Variants in ZDHHC1 observed in about 807,000 individuals in gnomAD.
ZDHHC1 encodes palmitoyltransferase ZDHHC1.
In ZDHHC1, 45 loss-of-function variants were observed where a neutral mutation model predicts 46.9. The observed-to-expected ratio is 0.96, with a 90% CI of 0.76 to 1.23. ZDHHC1 has a LOEUF of 1.23. Ranked by LOEUF, ZDHHC1 falls within the 50% of genes most tolerant of loss-of-function variation. ZDHHC1 has a pLI of 0.00. For missense variants in ZDHHC1, 649 were observed against 670.8 expected, an observed-to-expected ratio of 0.97 and a Z score of 0.36; for synonymous variants, 291 against 286.0, an observed-to-expected ratio of 1.02 and a Z score of -0.18.
At chr16:67,395,093 C>G (rs1472248049) in intron 10 of ZDHHC1, 31 bp from the exon 11 acceptor site, 3 of 1,613,280 alleles carry the variant, frequency 1.9e-6, no homozygotes, top group African/African-American at 1.3e-5. Context: ...CTGAGGGCCC[C>G]ACATCGCCAA....
Position 67,394,982 on chromosome 16 carries a change from G to A in ZDHHC1, c.1165+20C>T. 1 of 1,601,416 alleles carries A rather than the reference G, an allele frequency of 6.2e-7. No homozygotes were observed. ...CCCTCGAGTTCCCAGAGCAGGACCC[G>A]GACAGGGAGAGGCGCTCACCCGACG... is the stretch of plus-strand genomic sequence containing the variant. On this transcript the variant is annotated intron_variant, in intron 11 of 11. Transcript: ENST00000565726.
Position 67,398,801 on chromosome 16 carries a change from G to T in ZDHHC1, c.655+19C>A. ...TGACCAGGGTTGGGGGTGAGAATAGGCCCGGAGCCTAAACTGACCTTCAAA... is the reference window on the plus strand; with the variant it reads ...TGACCAGGGTTGGGGGTGAGAATAGTCCCGGAGCCTAAACTGACCTTCAAA... On this transcript the variant is annotated intron_variant, in intron 6 of 11. Transcript: ENST00000565726. 1.2e-6 allele frequency: 2 copies of T among 1,612,522 alleles called. No individual in the cohort carries two copies. The highest frequency in any genetic ancestry group is 1.7e-6 in the Non-Finnish European group (2 of 1,179,452).
In ZDHHC1 at chr16:67,406,565, A is replaced by C; in HGVS notation, c.10-123T>G. On this transcript the variant is annotated intron_variant, in intron 2 of 11. Transcript: ENST00000565726. This position sits in a 1 kb window ranked among gnomAD's most constrained non-coding sequence, Gnocchi z 4.1. ...GGCTGCGACAGCTACTCTGCTGGGG[A>C]AACTGGGGTCCTAGCACAATAGAGA... is the stretch of plus-strand genomic sequence containing the variant. The C allele has an allele frequency of 7.9e-7, 1 of 1,261,304 alleles. No homozygotes were observed. The highest frequency in any genetic ancestry group is 1.1e-6 in the Non-Finnish European group (1 of 945,004). 78.1% of individuals were successfully genotyped at this position (1,261,304 alleles called of 1,614,324 possible). A position where few individuals can be genotyped will look rare whatever the true frequency, so the allele number is the denominator to read the frequency against.
At chr16:67,410,460 G>A (rs1172311065) in intron 1 of ZDHHC1, among the ~76,000 whole-genome samples, 2 of 152,120 alleles carry the variant, frequency 1.3e-5, no homozygotes, top group African/African-American at 2.4e-5. Context: ...AGGGTGTCCC[G>A]TGGCCTGGGT....
At chr16:67,400,387 T>C (rs970336158) in intron 4 of ZDHHC1, among the ~76,000 whole-genome samples, 2 of 152,134 alleles carry the variant, frequency 1.3e-5, no homozygotes, top group Non-Finnish European at 2.9e-5. Context: ...ACGTAGTGAC[T>C]CCTCCATGTT....
At chr16:67,396,823 TG>T (rs575792449) in intron 8 of ZDHHC1, among the ~76,000 whole-genome samples, 2 of 152,080 alleles carry the variant, frequency 1.3e-5, no homozygotes, top group Non-Finnish European at 2.9e-5. Context: ...CAAAGCCCAC[TG>T]GGGGGCCCTG....
At chr16:67,395,323 A>G (rs1253595242) in intron 9 of ZDHHC1, 43 bp from the exon 10 acceptor site, 2 of 1,496,508 alleles carry the variant, frequency 1.3e-6, no homozygotes, top group South Asian at 1.3e-5. Flanking sequence ...CTGTTCCCCA[A>G]ATCCCTCCCC....
At position 67,401,988 on chromosome 16, in the gene ZDHHC1, T is replaced by A. The variant is rs2040560643; in HGVS notation, c.253-856A>T. On this transcript the variant is annotated intron_variant, in intron 3 of 11. Transcript: ENST00000565726. The surrounding 1 kb of genome is among the most constrained non-coding windows in gnomAD (Gnocchi z 4.6). The stretch of plus-strand genomic sequence containing the variant: ...GCAGACATCATCCCTCCATCATTCA[T>A]GCTCTACCCATCATCCATCTGCCAT... Among the ~76,000 whole-genome samples the A allele has an allele frequency of 6.6e-6, 1 of 152,214 alleles. No individual in the cohort carries two copies. Among genetic ancestry groups the A allele is most frequent in the African/African-American group, 2.4e-5 (1 of 41,450 alleles).
intron 3 of ZDHHC1, among the ~76,000 whole-genome samples, chr16:67,405,909 C>A (rs189045745): frequency 6.6e-6 from 1 of 152,326 alleles, no homozygotes; most frequent in Non-Finnish European, 1.5e-5. Context: ...TTTGAGGCTC[C>A]TCCTTCTATG....
chr16:67,401,518 C>T lies in ZDHHC1; in HGVS notation c.253-386G>A, dbSNP rs1416555910. On this transcript the variant is annotated intron_variant, in intron 3 of 11. Coordinates refer to ENST00000565726, the MANE Select transcript of ZDHHC1 (RefSeq NM_001323627.2). This position sits in a 1 kb window ranked among gnomAD's most constrained non-coding sequence, Gnocchi z 4.6. ...GTGAGACTGAAAGAGATCAACCCCA[C>T]CTAAGGTCCAAGAACCTGAAGTTTA... Among the ~76,000 whole-genome samples the T allele has an allele frequency of 6.6e-5, 10 of 152,230 alleles. No individual in the cohort carries two copies. The highest frequency in any genetic ancestry group is 6.5e-4 in the Admixed American group (10 of 15,284).
Position 67,398,877 on chromosome 16 carries a change from C to T in ZDHHC1, c.598G>A (p.Val200Ile), listed in dbSNP as rs768201787. Reference sequence around the variant, plus strand: ...GGGTTGACAAAGAACTCCACGAAGACATATGTGGCCACCAGCACCAGGAGC... The same window carrying T: ...GGGTTGACAAAGAACTCCACGAAGATATATGTGGCCACCAGCACCAGGAGC... ...VLLLVLVATY[V>I]FVEFFVNPMR... The change falls in exon 6 of 12, where the codon GTC (valine) becomes ATC (isoleucine). Residue 200 changes from valine (V) to isoleucine (I), a missense_variant. By Grantham distance (29) the Val-to-Ile change is conservative. Coordinates refer to ENST00000565726, the MANE Select transcript of ZDHHC1 (RefSeq NM_001323627.2). The T allele has an allele frequency of 1.5e-5, 24 of 1,613,314 alleles. No individual in the cohort carries two copies. In the East Asian group the frequency reaches 2.7e-4, roughly 18 times the overall value.
intron 1 of ZDHHC1, among the ~76,000 whole-genome samples, chr16:67,409,119 C>G (rs1384674881): frequency 6.6e-6 from 1 of 152,168 alleles, no homozygotes; most frequent in Non-Finnish European, 1.5e-5. Context: ...ACAGGCACCC[C>G]CAGAGCTGCT....
At chr16:67,411,353 A>G (rs977190929) in intron 1 of ZDHHC1, among the ~76,000 whole-genome samples, 2 of 152,162 alleles carry the variant, frequency 1.3e-5, no homozygotes, top group African/African-American at 4.8e-5. Context: ...TGCACTGCCA[A>G]TGGGGAGACG....
chr16:67,410,679 T>C (rs959314136), intron 1 of ZDHHC1, among the ~76,000 whole-genome samples: 2 of 150,604 alleles, frequency 1.3e-5, no homozygotes, highest in Admixed American at 1.3e-4. Flanking sequence ...ATTATTGTTA[T>C]TATTTAGACT....
chr16:67,398,637 G>T lies in ZDHHC1; in HGVS notation c.750C>A (p.Leu250=). ...APAILALAAL[L]ILLGLLSTAL... is the part of the protein sequence containing the mutation. The stretch of plus-strand genomic sequence containing the variant: ...CTGTGGACAGGAGGCCCAGAAGGAT[G>T]AGCAGGGCGGCCAGGGCCAGGATGG... Residue 250 remains leucine (L), a synonymous_variant, in exon 7 of 12, where the codon CTC becomes CTA. Transcript: ENST00000565726. The T allele has an allele frequency of 3.1e-6, 5 of 1,607,008 alleles. No individual in the cohort carries two copies. The highest frequency in any genetic ancestry group is 1.7e-5 in the Admixed American group (1 of 58,622).
intron 4 of ZDHHC1, among the ~76,000 whole-genome samples, 198 bp from the exon 5 acceptor site, chr16:67,399,654 G>T (rs1204469575): frequency 6.6e-6 from 1 of 152,208 alleles, no homozygotes; most frequent in Non-Finnish European, 1.5e-5. Context: ...CGCTCCCGAA[G>T]AGCTGGGGGA....
chr16:67,402,160 C>T (rs2040564414), intron 3 of ZDHHC1, among the ~76,000 whole-genome samples: 1 of 152,236 alleles, frequency 6.6e-6, no homozygotes, highest in Non-Finnish European at 1.5e-5. Context: ...CATCACTACC[C>T]CTTCTATCCC....
At chr16:67,411,483 C>G (rs537008337) in intron 1 of ZDHHC1, among the ~76,000 whole-genome samples, 1 of 152,326 alleles carries the variant, frequency 6.6e-6, no homozygotes, top group East Asian at 1.9e-4. Context: ...CTTTGGATCT[C>G]TTCTGTACTC....
rs1597554790 is a variant in ZDHHC1 at position 67,416,310 on chromosome 16, C to T, written c.-178G>A. 6.1e-6 allele frequency: 1 copy of T among 162,906 alleles called. No homozygotes were observed. The highest frequency in any genetic ancestry group is 1.4e-5 in the Non-Finnish European group (1 of 73,258). The allele number at this position is 162,906 out of a possible 1,614,324, so 10.1% of individuals were successfully genotyped here. A position where few individuals can be genotyped will look rare whatever the true frequency, so the allele number is the denominator to read the frequency against. The stretch of plus-strand genomic sequence containing the variant: ...AGGGACGGTCCCCGGGACTGGGCGG[C>T]AACGCGCCCGGGAGCGGGGCCCCAT... On this transcript the variant is annotated 5_prime_UTR_variant, in exon 1 of 12. Coordinates refer to ENST00000565726, the MANE Select transcript of ZDHHC1 (RefSeq NM_001323627.2).
Sources: allele counts gnomAD v4.1 joint callset (sites outside exome capture counted in the v4.1 genomes callset), GRCh38; gene constraint gnomAD v4.1.1; non-coding constraint Gnocchi (gnomAD v3.1); transcripts MANE v1.5; gene names NCBI Gene and HGNC (gene_info 2026-07-23, HGNC 2026-07-21).